LRRTM4: variants seen among roughly 807,000 people sequenced by gnomAD.
LRRTM4 encodes leucine-rich repeat transmembrane neuronal protein 4.
In LRRTM4, 25 loss-of-function variants were observed where a neutral mutation model predicts 47.6. That is an observed-to-expected ratio of 0.53 (90% CI 0.38 to 0.73). The LOEUF is 0.73. Ranked by LOEUF, LRRTM4 falls within the 30% of genes least tolerant of loss-of-function variation. The pLI, the probability that LRRTM4 is intolerant of heterozygous loss-of-function variation, is 0.00. For missense variants in LRRTM4, 638 were observed against 713.4 expected (o/e 0.89, Z 1.20); for synonymous variants, 311 against 269.5 (o/e 1.15, Z -1.51).
chr2:76,912,619 G>T (rs1674108399), intron 3 of LRRTM4, among the ~76,000 whole-genome samples: 1 of 152,180 alleles, frequency 6.6e-6, no homozygotes, highest in Non-Finnish European at 1.5e-5. Flanking sequence ...GCCTGATATG[G>T]TTTGGATCTG....
intron 3 of LRRTM4, among the ~76,000 whole-genome samples, chr2:76,850,922 T>C (rs11885586): frequency 0.015 from 2,309 of 152,316 alleles, 53 homozygotes; most frequent in African/African-American, 0.051. Flanking sequence ...TTTCTCCACA[T>C]GTCTTATTGT....
intron 3 of LRRTM4, among the ~76,000 whole-genome samples, chr2:76,806,661 A>G (rs936395075): frequency 1.4e-4 from 21 of 152,172 alleles, no homozygotes; most frequent in African/African-American, 5.1e-4. Context: ...TGAAATAAAT[A>G]TATTACAAAG....
intron 3 of LRRTM4, among the ~76,000 whole-genome samples, chr2:76,893,636 C>A (rs1673321539): frequency 6.6e-6 from 1 of 151,378 alleles, no homozygotes; most frequent in South Asian, 2.1e-4. Context: ...CTAATGAAAA[C>A]ACTTGGGAAC....
intron 3 of LRRTM4, among the ~76,000 whole-genome samples, chr2:77,436,399 GTTAAA>G (rs1437484227): frequency 6.6e-6 from 1 of 151,762 alleles, no homozygotes; most frequent in Non-Finnish European, 1.5e-5. Flanking sequence ...AATAATACAA[GTTAAA>G]TTAAATTAAT....
intron 3 of LRRTM4, among the ~76,000 whole-genome samples, chr2:77,075,159 T>C (rs1199836893): frequency 5.9e-5 from 9 of 152,178 alleles, no homozygotes; most frequent in Admixed American, 5.2e-4. Flanking sequence ...CCTGGTAACT[T>C]TGAAGATGAA....
chr2:77,086,923 AG>A (rs1192227817), intron 3 of LRRTM4, among the ~76,000 whole-genome samples: 2 of 55,160 alleles, frequency 3.6e-5, no homozygotes, highest in African/African-American at 3.0e-4. Context: ...AATAACCTCC[AG>A]AAAAAACAAC....
chr2:77,467,963 T>C (rs528192095), intron 3 of LRRTM4, among the ~76,000 whole-genome samples: 81 of 152,336 alleles, frequency 5.3e-4, no homozygotes, highest in Admixed American at 1.0e-3. Flanking sequence ...GAGGTACTTA[T>C]ATAGTTCCCT....
intron 3 of LRRTM4, among the ~76,000 whole-genome samples, chr2:76,964,305 C>T (rs1675953595): frequency 6.6e-6 from 1 of 151,016 alleles, no homozygotes; most frequent in African/African-American, 2.4e-5. Context: ...TCTATAGTGT[C>T]TGCTTTGTTG....
intron 3 of LRRTM4, among the ~76,000 whole-genome samples, chr2:77,312,739 C>G (rs7599090): frequency 4.6e-5 from 7 of 151,934 alleles, no homozygotes; most frequent in African/African-American, 1.7e-4. Flanking sequence ...ATTCAATAAG[C>G]CTGACCTACA....
chr2:76,809,430 A>G (rs1341159474), intron 3 of LRRTM4, among the ~76,000 whole-genome samples: 1 of 151,826 alleles, frequency 6.6e-6, no homozygotes, highest in African/African-American at 2.4e-5. Context: ...AAAACCATGG[A>G]CTCTTCCATG....
At chr2:77,427,589 T>C (rs1675173689) in intron 3 of LRRTM4, among the ~76,000 whole-genome samples, 1 of 152,226 alleles carries the variant, frequency 6.6e-6, no homozygotes, top group Non-Finnish European at 1.5e-5. Flanking sequence ...AATATGAGTT[T>C]TGCAGATTAA....
chr2:77,214,936 C>G (rs981686664), intron 3 of LRRTM4, among the ~76,000 whole-genome samples: 1 of 151,848 alleles, frequency 6.6e-6, no homozygotes, highest in Non-Finnish European at 1.5e-5. Context: ...ATTTAGAGTC[C>G]GCCTTCTTTA....
At position 77,447,914 on chromosome 2, in the gene LRRTM4, G is replaced by A. The variant is rs181436769; in HGVS notation, c.1551+70404C>T. Among the ~76,000 whole-genome samples, 13 of 152,224 alleles carry A rather than the reference G, an allele frequency of 8.5e-5. No homozygotes were observed. The East Asian group carries it at 1.2e-3, about 14-fold the overall frequency. On this transcript the variant is annotated intron_variant, in intron 3 of 3. Coordinates refer to ENST00000409884, the MANE Select transcript of LRRTM4 (RefSeq NM_001134745.3). Reference sequence around the variant, plus strand: ...AAGGTGTTAGTAATGAATGTTGAACGTGGGGATTTTAGCATTTTATTAGTA... The same window carrying A: ...AAGGTGTTAGTAATGAATGTTGAACATGGGGATTTTAGCATTTTATTAGTA...
intron 3 of LRRTM4, among the ~76,000 whole-genome samples, chr2:76,971,374 T>G (rs1332394384): frequency 1.3e-5 from 2 of 152,032 alleles, no homozygotes; most frequent in African/African-American, 4.8e-5. Flanking sequence ...TTCCAAAGTT[T>G]GGTGACAGGC....
chr2:77,418,659 C>A (rs576067570), intron 3 of LRRTM4, among the ~76,000 whole-genome samples: 1 of 152,190 alleles, frequency 6.6e-6, no homozygotes, highest in Non-Finnish European at 1.5e-5. Context: ...TGTATCCCAG[C>A]AACACGACTC....
intron 3 of LRRTM4, among the ~76,000 whole-genome samples, chr2:76,831,195 A>G (rs1359188710): frequency 1.3e-5 from 2 of 152,064 alleles, no homozygotes; most frequent in Non-Finnish European, 2.9e-5. Flanking sequence ...ATGTGAATGT[A>G]TGTGTGCATA....
At chr2:77,038,039 C>T (rs186927815) in intron 3 of LRRTM4, among the ~76,000 whole-genome samples, 1 of 151,716 alleles carries the variant, frequency 6.6e-6, no homozygotes, top group Admixed American at 6.6e-5. Context: ...TTATAGTAAG[C>T]AGACTTTCTC....
chr2:76,787,111 A>T (rs1336166489), intron 3 of LRRTM4, among the ~76,000 whole-genome samples: 2 of 152,094 alleles, frequency 1.3e-5, no homozygotes, highest in Non-Finnish European at 2.9e-5. Flanking sequence ...GTGGCAAGGG[A>T]AATGAAAGGA....
chr2:77,060,046 G>A (rs1176138018), intron 3 of LRRTM4, among the ~76,000 whole-genome samples: 5 of 152,158 alleles, frequency 3.3e-5, no homozygotes, highest in East Asian at 3.8e-4. Context: ...CAGTCTGGCC[G>A]CCTATCTGTG....
Sources: allele counts gnomAD v4.1 joint callset (sites outside exome capture counted in the v4.1 genomes callset), GRCh38; gene constraint gnomAD v4.1.1; transcripts MANE v1.5; gene names NCBI Gene and HGNC (gene_info 2026-07-23, HGNC 2026-07-21).